Variants in ARHGAP15 observed in about 807,000 individuals in gnomAD.
ARHGAP15 encodes the protein rho GTPase-activating protein 15.
A neutral mutation model predicts 63.7 loss-of-function variants in ARHGAP15; 51 were observed. The observed-to-expected ratio is 0.80, with a 90% CI of 0.64 to 1.01. The LOEUF is 1.01. Among genes scored for constraint, ARHGAP15 ranks in the 50% least tolerant of loss-of-function variants. ARHGAP15 has a pLI of 0.00. For synonymous variants in ARHGAP15, 191 were observed against 193.8 expected, an observed-to-expected ratio of 0.99 and a Z score of 0.12; for missense variants, 560 against 564.6, an observed-to-expected ratio of 0.99 and a Z score of 0.08.
At chr2:143,517,091 G>C (rs1693857747) in intron 9 of ARHGAP15, among the ~76,000 whole-genome samples, 1 of 152,136 alleles carries the variant, frequency 6.6e-6, no homozygotes, top group Non-Finnish European at 1.5e-5. Context: ...TGGGACTACA[G>C]GCACGCGCCA....
chr2:143,204,289 A>G (rs1009252602), intron 3 of ARHGAP15, among the ~76,000 whole-genome samples: 3 of 152,116 alleles, frequency 2.0e-5, no homozygotes. Context: ...TATCTTAGTC[A>G]GTCTGTTACT....
At chr2:143,142,979 A>G (rs2104991364) in intron 1 of ARHGAP15, among the ~76,000 whole-genome samples, 1 of 152,278 alleles carries the variant, frequency 6.6e-6, no homozygotes, top group Non-Finnish European at 1.5e-5. Context: ...TGCATTTTTT[A>G]CTTTAATGTG....
intron 6 of ARHGAP15, among the ~76,000 whole-genome samples, chr2:143,322,065 A>G (rs1213887136): frequency 2.0e-5 from 3 of 147,274 alleles, no homozygotes; most frequent in African/African-American, 7.3e-5. Flanking sequence ...CCTGGATTCT[A>G]TGCCTTTTAA....
chr2:143,520,070 A>C (rs1382102407), intron 10 of ARHGAP15, among the ~76,000 whole-genome samples: 1 of 152,212 alleles, frequency 6.6e-6, no homozygotes, highest in Admixed American at 6.5e-5. Context: ...AATCTTAAAA[A>C]ATGTATTGTA....
chr2:143,542,171 C>T (rs115187472), intron 10 of ARHGAP15, among the ~76,000 whole-genome samples: 47,621 of 151,946 alleles, frequency 0.31, 7,958 homozygotes, highest in East Asian at 0.42. Context: ...TAGGACCCTC[C>T]GAGCTAGGTG....
rs189339864 is a variant in ARHGAP15 at position 143,435,340 on chromosome 2, T to C, written c.475-261T>C. The C allele has an allele frequency of 2.3e-4, 247 of 1,089,954 alleles. No individual in the cohort carries two copies. The African/African-American group carries it at 3.7e-3, about 16-fold the overall frequency. The allele number at this position is 1,089,954 out of a possible 1,614,324, so 67.5% of individuals were successfully genotyped here. A position where few individuals can be genotyped will look rare whatever the true frequency, so the allele number is the denominator to read the frequency against. ...ACTTCCTGGCTTGTTTCTCCTTAAG[T>C]TGGAGTAATTCAGCTCTAGCCCTAC... On this transcript the variant is annotated intron_variant, in intron 6 of 13. Coordinates refer to ENST00000295095, the MANE Select transcript of ARHGAP15 (RefSeq NM_018460.4).
intron 2 of ARHGAP15, among the ~76,000 whole-genome samples, chr2:143,157,919 C>T (rs1311308100): frequency 6.6e-6 from 1 of 151,592 alleles, no homozygotes; most frequent in Non-Finnish European, 1.5e-5. Flanking sequence ...AAAATGTGGG[C>T]ACATATTCAA....
In ARHGAP15 at chr2:143,409,789, A is replaced by G. The variant is rs574870900; in HGVS notation, c.475-25812A>G. The stretch of plus-strand genomic sequence containing the variant: ...TAGACTAGTTTATAGCCTACAAGCA[A>G]TAGGCTATACCATGTAGCCTAAGTG... On this transcript the variant is annotated intron_variant, in intron 6 of 13. Transcript: ENST00000295095. Among the ~76,000 whole-genome samples, 226 of 152,260 alleles carry G rather than the reference A, an allele frequency of 1.5e-3. 2 individuals carry two copies. The highest frequency in any genetic ancestry group is 5.3e-3 in the African/African-American group (220 of 41,576).
intron 6 of ARHGAP15, among the ~76,000 whole-genome samples, chr2:143,385,198 C>A (rs1447939713): frequency 6.6e-6 from 1 of 152,102 alleles, no homozygotes; most frequent in Non-Finnish European, 1.5e-5. Flanking sequence ...TCTGCCTGAT[C>A]TAGGACCACT....
chr2:143,741,231 A>G (rs1685950671), intron 13 of ARHGAP15: 1 of 152,230 alleles, frequency 6.6e-6, no homozygotes, highest in African/African-American at 2.4e-5. Flanking sequence ...AATATTTCCA[A>G]AGAAATGAGC....
At chr2:143,739,705 C>T (rs1282834813) in intron 13 of ARHGAP15, among the ~76,000 whole-genome samples, 1 of 152,152 alleles carries the variant, frequency 6.6e-6, no homozygotes, top group Non-Finnish European at 1.5e-5. Context: ...CTTGACAATT[C>T]CTTTTCATTG....
chr2:143,288,340 G>A (rs1030529432), intron 6 of ARHGAP15, among the ~76,000 whole-genome samples: 2 of 151,972 alleles, frequency 1.3e-5, no homozygotes, highest in African/African-American at 4.8e-5. Context: ...GAAATCCATG[G>A]CAACAGCACA....
In ARHGAP15 at chr2:143,768,111, A is replaced by C. The variant is rs2072982573; in HGVS notation, c.1367A>C (p.Asn456Thr). ...GNMAIHMVYQ[N>T]QIAELMLSEY... is the part of the protein sequence containing the mutation. ...ATGGCGATCCACATGGTCTACCAGA[A>C]CCAGATAGCTGAGCTCATGCTGAGT... The change falls in exon 14 of 14, where the codon AAC becomes ACC. Residue 456 changes from asparagine to threonine, a missense_variant. Transcript: ENST00000295095. 4 of 1,613,768 alleles carry C rather than the reference A, an allele frequency of 2.5e-6. No homozygotes were observed. The highest frequency in any genetic ancestry group is 3.4e-6 in the Non-Finnish European group (4 of 1,179,820).
At chr2:143,168,860 A>G (rs1239914779) in intron 2 of ARHGAP15, among the ~76,000 whole-genome samples, 1 of 151,996 alleles carries the variant, frequency 6.6e-6, no homozygotes, top group East Asian at 1.9e-4. Flanking sequence ...TTCCTTTTCC[A>G]TTGACATGTA....
At chr2:143,511,368 G>A (rs76404166) in intron 9 of ARHGAP15, among the ~76,000 whole-genome samples, 2,660 of 152,294 alleles carry the variant, frequency 0.017, 37 homozygotes, top group Non-Finnish European at 0.023. Context: ...ACGGTGGGAT[G>A]AAGATAGAAT....
At chr2:143,271,219 C>A (rs185524592) in intron 6 of ARHGAP15, among the ~76,000 whole-genome samples, 208 of 152,280 alleles carry the variant, frequency 1.4e-3, no homozygotes, top group African/African-American at 4.8e-3. Flanking sequence ...CTTTCTTCAG[C>A]CATATGTGCA....
At chr2:143,605,935 C>T (rs909353472) in intron 11 of ARHGAP15, among the ~76,000 whole-genome samples, 1 of 141,968 alleles carries the variant, frequency 7.0e-6, no homozygotes, top group Non-Finnish European at 1.5e-5. Flanking sequence ...ACTTGGGAAG[C>T]TGAGGCAGGA....
chr2:143,721,015 G>A (rs1333362427), intron 13 of ARHGAP15, among the ~76,000 whole-genome samples: 5 of 136,990 alleles, frequency 3.6e-5, no homozygotes, highest in Admixed American at 8.2e-5. Flanking sequence ...GCAGTGAGCC[G>A]AGAGCCACTG....
chr2:143,175,833 G>A (rs953161729), intron 2 of ARHGAP15, among the ~76,000 whole-genome samples: 2 of 152,060 alleles, frequency 1.3e-5, no homozygotes, highest in Admixed American at 1.3e-4. Flanking sequence ...AGCAGATGTG[G>A]TTTCAATGGA....
Sources: gnomAD v4.1 joint callset for allele counts (sites outside exome capture counted in the v4.1 genomes callset) on GRCh38, gnomAD v4.1.1 for gene constraint, MANE v1.5 for transcripts, NCBI Gene and HGNC (gene_info 2026-07-23, HGNC 2026-07-21) for gene names.